PLEKHA5: variants seen among roughly 807,000 people sequenced by gnomAD.
The protein encoded by PLEKHA5 is pleckstrin homology domain containing A5.
Under a neutral mutation model 181.9 loss-of-function variants are expected in PLEKHA5, and 55 were observed. The ratio of observed to expected loss-of-function variants is 0.30; its 90% CI spans 0.24 to 0.38. PLEKHA5 has a LOEUF of 0.38. PLEKHA5 is among the 10% of genes least tolerant of loss of function. The pLI, the probability that PLEKHA5 is intolerant of heterozygous loss-of-function variation, is 1.00. For synonymous variants in PLEKHA5, 535 were observed against 529.4 expected (o/e 1.01, Z -0.15); for missense variants, 1,432 against 1,549.5 (o/e 0.92, Z 1.27).
intron 3 of PLEKHA5, among the ~76,000 whole-genome samples, chr12:19,239,146 A>G (rs1017476649): frequency 6.6e-6 from 1 of 152,202 alleles, no homozygotes; most frequent in African/African-American, 2.4e-5. Flanking sequence ...AACACGAAGA[A>G]ATGAATTGGC....
At position 19,165,480 on chromosome 12, in the gene PLEKHA5, G is replaced by T. The variant is rs116232728; in HGVS notation, c.227+33030G>T. 9.9e-3 allele frequency among the ~76,000 whole-genome samples: 1,494 copies of T among 151,072 alleles called. 17 individuals carry two copies. The highest frequency in any genetic ancestry group is 0.034 in the African/African-American group (1,409 of 41,090). On this transcript the variant is annotated intron_variant, in intron 3 of 31. Transcript: ENST00000429027. ...TTATGAATTACATTTTGGATCAAAA[G>T]AATCTTATTTCTGGGTAGGAACTTT...
In PLEKHA5 at chr12:19,347,072, C is replaced by G. The variant is rs1327002828; in HGVS notation, c.2788C>G (p.Leu930Val). ...FTEQPPIIPP[L>V]PSDSSSLLCY... ...AGAGCAGCCTCCCATAATCCCCCCT[C>G]TGCCCAGTGATAGCAGCTCCTTGCT... The change falls in exon 24 of 32, where the codon CTG becomes GTG. Residue 930 changes from leucine to valine, a missense_variant. Leu to Val is a conservative substitution (Grantham distance 32). Coordinates refer to ENST00000429027, the MANE Select transcript of PLEKHA5 (RefSeq NM_001256470.2). The G allele has an allele frequency of 3.2e-6, 5 of 1,551,372 alleles. No homozygotes were observed. The highest frequency in any genetic ancestry group is 4.4e-6 in the Non-Finnish European group (5 of 1,146,626).
intron 26 of PLEKHA5, 31 bp downstream of exon 26, chr12:19,354,033 G>C (rs1309939849): frequency 2.0e-6 from 2 of 981,588 alleles, no homozygotes; most frequent in Non-Finnish European, 3.2e-6. Context: ...CTTCTAGGAA[G>C]ATTCTCACAT....
intron 20 of PLEKHA5, among the ~76,000 whole-genome samples, chr12:19,335,885 G>C (rs951857841): frequency 6.6e-6 from 1 of 152,106 alleles, no homozygotes; most frequent in African/African-American, 2.4e-5. Flanking sequence ...GCCCCCGTCA[G>C]CCTCCCAAAG....
intron 15 of PLEKHA5, among the ~76,000 whole-genome samples, chr12:19,296,275 T>C (rs1281336423): frequency 6.9e-6 from 1 of 144,418 alleles, no homozygotes; most frequent in East Asian, 2.1e-4. Context: ...GGCCAGGCAC[T>C]GTGGCTCACG....
At chr12:19,188,867 T>C (rs2050431116) in intron 3 of PLEKHA5, among the ~76,000 whole-genome samples, 1 of 152,222 alleles carries the variant, frequency 6.6e-6, no homozygotes, top group Non-Finnish European at 1.5e-5. Flanking sequence ...TGGGATTCGA[T>C]GTAAAAGAAA....
intron 15 of PLEKHA5, chr12:19,306,366 G>A (rs2083560921): frequency 2.1e-6 from 1 of 486,046 alleles, no homozygotes; most frequent in Non-Finnish European, 4.0e-6. Flanking sequence ...TCTCCAACTA[G>A]CGTGCTCTCT....
At chr12:19,268,228 T>C (rs1295886975) in intron 8 of PLEKHA5, among the ~76,000 whole-genome samples, 1 of 152,228 alleles carries the variant, frequency 6.6e-6, no homozygotes, top group Non-Finnish European at 1.5e-5. Context: ...TATAACTTTA[T>C]GAAGTACACA....
At chr12:19,133,877 T>C (rs187770464) in intron 3 of PLEKHA5, among the ~76,000 whole-genome samples, 1 of 152,142 alleles carries the variant, frequency 6.6e-6, no homozygotes, top group Admixed American at 6.5e-5. Context: ...CCATCCTAAA[T>C]TAAAGTGAGT....
intron 21 of PLEKHA5, among the ~76,000 whole-genome samples, chr12:19,337,899 C>T (rs1304759560): frequency 6.6e-6 from 1 of 151,882 alleles, no homozygotes; most frequent in Admixed American, 6.6e-5. Context: ...AGCTTGGTGG[C>T]AGGCACCTGT....
intron 3 of PLEKHA5, among the ~76,000 whole-genome samples, chr12:19,211,730 A>G (rs2056946898): frequency 6.6e-6 from 1 of 152,222 alleles, no homozygotes; most frequent in Non-Finnish European, 1.5e-5. Flanking sequence ...CTCATCCTAT[A>G]AAACAGAATG....
intron 3 of PLEKHA5, among the ~76,000 whole-genome samples, chr12:19,191,818 TTGG>T (rs890221245): frequency 6.6e-6 from 1 of 152,118 alleles, no homozygotes; most frequent in Non-Finnish European, 1.5e-5. Context: ...TGGTGGGTAG[TTGG>T]TTTCTCTGCA....
intron 3 of PLEKHA5, among the ~76,000 whole-genome samples, chr12:19,139,838 T>C (rs1398981919): frequency 6.6e-6 from 1 of 152,236 alleles, no homozygotes; most frequent in East Asian, 1.9e-4. Flanking sequence ...AATAGCCTCC[T>C]GGTCTTGAGA....
At chr12:19,209,849 A>G (rs2056551587) in intron 3 of PLEKHA5, among the ~76,000 whole-genome samples, 1 of 152,188 alleles carries the variant, frequency 6.6e-6, no homozygotes, top group Admixed American at 6.5e-5. Flanking sequence ...GTTTTGAGAA[A>G]GTTAGTCAAA....
At chr12:19,205,289 C>T (rs916669967) in intron 3 of PLEKHA5, 9 of 631,814 alleles carry the variant, frequency 1.4e-5, no homozygotes, top group South Asian at 7.0e-5. Context: ...TTGGAGACTG[C>T]GGTGTGGTTC....
intron 15 of PLEKHA5, among the ~76,000 whole-genome samples, chr12:19,300,819 A>G (rs2081269165): frequency 6.6e-6 from 1 of 152,236 alleles, no homozygotes; most frequent in Middle Eastern, 3.4e-3. Flanking sequence ...AGATCCTTCT[A>G]TCTAGAAGTT....
intron 3 of PLEKHA5, among the ~76,000 whole-genome samples, chr12:19,208,356 G>A (rs1178123873): frequency 1.3e-5 from 2 of 151,230 alleles, no homozygotes; most frequent in Admixed American, 1.3e-4. Flanking sequence ...GCAGTGAACC[G>A]ATATCATGCC....
chr12:19,162,355 G>A (rs1417776309), intron 3 of PLEKHA5, among the ~76,000 whole-genome samples: 1 of 152,132 alleles, frequency 6.6e-6, no homozygotes, highest in East Asian at 1.9e-4. Context: ...ACAATTTTTA[G>A]GGTTCAGTCA....
Position 19,369,710 on chromosome 12 carries a change from T to C in PLEKHA5, c.3772T>C (p.Ser1258Pro). 1.2e-6 allele frequency: 2 copies of C among 1,610,660 alleles called. No individual in the cohort carries two copies. The highest frequency in any genetic ancestry group is 8.5e-7 in the Non-Finnish European group (1 of 1,178,002). ...QTMAVKSLSP[S>P]PESSASPVPS... ...TGTTTTAGTGAAAAGTCTGTCCCCA[T>C]CTCCTGAGTCCTCGGCATCGCCAGT... is the stretch of plus-strand genomic sequence containing the variant. Residue 1258 changes from serine to proline, a missense_variant, in exon 31 of 32, where the codon TCT becomes CCT. This residue lies in a region of PLEKHA5 where 1,143 missense variants were observed against 1,168.4 expected (regional missense o/e 0.98). Coordinates refer to ENST00000429027, the MANE Select transcript of PLEKHA5 (RefSeq NM_001256470.2).
Sources: allele counts gnomAD v4.1 joint callset (sites outside exome capture counted in the v4.1 genomes callset), GRCh38; gene constraint gnomAD v4.1.1; regional missense constraint gnomAD v4.1.1; transcripts MANE v1.5; gene names NCBI Gene and HGNC (gene_info 2026-07-23, HGNC 2026-07-21).